Variants in UBASH3B observed in about 807,000 individuals in gnomAD.
UBASH3B encodes ubiquitin associated and SH3 domain containing B.
UBASH3B carries 37 observed loss-of-function variants against 83.4 expected under a neutral mutation model. The ratio of observed to expected loss-of-function variants is 0.44; its 90% CI spans 0.34 to 0.58. UBASH3B has a LOEUF of 0.58. UBASH3B is among the 20% of genes least tolerant of loss of function. The probability of loss-of-function intolerance (pLI) is 0.01; values close to 1 mark genes in which losing one functional copy is unlikely to be tolerated. For synonymous variants in UBASH3B, 304 were observed against 318.3 expected, an observed-to-expected ratio of 0.96 and a Z score of 0.48; for missense variants, 657 against 827.2, an observed-to-expected ratio of 0.79 and a Z score of 2.52.
At chr11:122,790,583 CA>C (rs2135163719) in intron 6 of UBASH3B, among the ~76,000 whole-genome samples, 1 of 152,312 alleles carries the variant, frequency 6.6e-6, no homozygotes, top group Admixed American at 6.5e-5. Flanking sequence ...TGACAAAGCA[CA>C]GTTCTCAGAT....
intron 1 of UBASH3B, among the ~76,000 whole-genome samples, chr11:122,733,754 C>T (rs959233105): frequency 6.6e-6 from 1 of 152,188 alleles, no homozygotes; most frequent in Admixed American, 6.5e-5. Flanking sequence ...TGCATGAACT[C>T]AGAAGAAGTA....
intron 1 of UBASH3B, among the ~76,000 whole-genome samples, chr11:122,688,592 G>A (rs935265081): frequency 5.2e-4 from 77 of 147,510 alleles, no homozygotes; most frequent in Middle Eastern, 3.6e-3. Flanking sequence ...GACTACAGAC[G>A]CCCGCCACCA....
chr11:122,715,611 C>T (rs1434639105), intron 1 of UBASH3B, among the ~76,000 whole-genome samples: 5 of 152,198 alleles, frequency 3.3e-5, no homozygotes, highest in Non-Finnish European at 7.3e-5. Flanking sequence ...GACGGCTCCT[C>T]TCCTCTTTCT....
intron 6 of UBASH3B, among the ~76,000 whole-genome samples, chr11:122,793,991 C>T (rs1225366471): frequency 6.6e-6 from 1 of 152,040 alleles, no homozygotes; most frequent in Non-Finnish European, 1.5e-5. Context: ...GAAATTACCA[C>T]GGGAAATATT....
chr11:122,693,120 A>C (rs1459477879), intron 1 of UBASH3B, among the ~76,000 whole-genome samples: 1 of 152,188 alleles, frequency 6.6e-6, no homozygotes, highest in East Asian at 1.9e-4. Context: ...GGAGAATGAC[A>C]AAGAACCTTC....
At chr11:122,738,981 G>A (rs961937616) in intron 1 of UBASH3B, among the ~76,000 whole-genome samples, 3 of 152,112 alleles carry the variant, frequency 2.0e-5, no homozygotes, top group Non-Finnish European at 4.4e-5. Context: ...GTACAGGAGT[G>A]GAAGGGTTTG....
chr11:122,657,118 A>C (rs1863374964), intron 1 of UBASH3B, among the ~76,000 whole-genome samples: 1 of 152,190 alleles, frequency 6.6e-6, no homozygotes, highest in African/African-American at 2.4e-5. Context: ...CCTGCCGTGC[A>C]GATTTCTTAG....
Position 122,801,400 on chromosome 11 carries a change from G to A in UBASH3B, c.1595+68G>A, listed in dbSNP as rs1861257136. ...TGCTTTCTGCACTAGCACTAGGCCA[G>A]GTTCAGGAAGGAGCCAGGGCTGGAC... is the stretch of plus-strand genomic sequence containing the variant. On this transcript the variant is annotated intron_variant, in intron 11 of 13. Coordinates refer to ENST00000284273, the MANE Select transcript of UBASH3B (RefSeq NM_032873.5). 7.0e-6 allele frequency: 11 copies of A among 1,568,322 alleles called. No homozygotes were observed. In the East Asian group the frequency reaches 2.5e-4, roughly 35 times the overall value.
At chr11:122,747,852 A>G (rs537897483) in intron 1 of UBASH3B, among the ~76,000 whole-genome samples, 30 of 152,332 alleles carry the variant, frequency 2.0e-4, no homozygotes, top group African/African-American at 7.0e-4. Flanking sequence ...TAAGATCCAT[A>G]TATTCCCTTG....
At chr11:122,751,449 G>T (rs991531383) in intron 1 of UBASH3B, among the ~76,000 whole-genome samples, 36 of 152,352 alleles carry the variant, frequency 2.4e-4, no homozygotes, top group African/African-American at 7.2e-4. Flanking sequence ...ATTGGATGTG[G>T]CTTGTCAGGG....
At chr11:122,722,896 G>A (rs1390581833) in intron 1 of UBASH3B, among the ~76,000 whole-genome samples, 1 of 151,990 alleles carries the variant, frequency 6.6e-6, no homozygotes. Flanking sequence ...TAGTAGAGGC[G>A]GGGTTTCACC....
At chr11:122,779,373 T>G in intron 3 of UBASH3B, 124 bp from the exon 4 acceptor site, 1 of 958,868 alleles carries the variant, frequency 1.0e-6, no homozygotes, top group Non-Finnish European at 1.6e-6. Context: ...CAGACAGGGG[T>G]AGTGGTTAAG....
chr11:122,783,787 G>A (rs1860898733), intron 5 of UBASH3B, among the ~76,000 whole-genome samples: 1 of 152,296 alleles, frequency 6.6e-6, no homozygotes, highest in Admixed American at 6.5e-5. Context: ...GTCACCTCTT[G>A]TGAGAGTTTC....
At position 122,719,121 on chromosome 11, in the gene UBASH3B, G is replaced by T. The variant is rs191436506; in HGVS notation, c.162-57098G>T. Among the ~76,000 whole-genome samples the T allele has an allele frequency of 6.6e-5, 10 of 152,342 alleles. No individual in the cohort carries two copies. The East Asian group carries it at 1.9e-3, about 29-fold the overall frequency. ...CTAAGCATGATTACGTTAGATTGGT[G>T]ATGGGTATTCTTACACTGCCAATTT... On this transcript the variant is annotated intron_variant, in intron 1 of 13. Coordinates refer to ENST00000284273, the MANE Select transcript of UBASH3B (RefSeq NM_032873.5).
intron 1 of UBASH3B, among the ~76,000 whole-genome samples, chr11:122,671,912 T>A: frequency 6.6e-6 from 1 of 152,104 alleles, no homozygotes. Flanking sequence ...TTTGGTTTGT[T>A]TTTTGTTGTT....
intron 1 of UBASH3B, among the ~76,000 whole-genome samples, chr11:122,741,502 T>A (rs996287624): frequency 3.0e-4 from 46 of 152,316 alleles, no homozygotes; most frequent in African/African-American, 1.0e-3. Context: ...CTTTAAGATC[T>A]AAGTCAGTTC....
intron 2 of UBASH3B, 73 bp from the exon 3 acceptor site, chr11:122,776,951 T>C: frequency 7.2e-7 from 1 of 1,395,512 alleles, no homozygotes; most frequent in Non-Finnish European, 9.7e-7. Context: ...GGAGGGTGGA[T>C]CTGTCTCTCA....
At chr11:122,729,728 G>T (rs1473070469) in intron 1 of UBASH3B, among the ~76,000 whole-genome samples, 1 of 146,820 alleles carries the variant, frequency 6.8e-6, no homozygotes, top group Non-Finnish European at 1.5e-5. Flanking sequence ...GGGAGGCCCA[G>T]GTGGGAGGAT....
At chr11:122,700,026 T>C (rs1226930164) in intron 1 of UBASH3B, among the ~76,000 whole-genome samples, 1 of 152,220 alleles carries the variant, frequency 6.6e-6, no homozygotes, top group Non-Finnish European at 1.5e-5. Flanking sequence ...GGTGGTGCTT[T>C]ATTCACTTGG....
Sources: allele counts gnomAD v4.1 joint callset (sites outside exome capture counted in the v4.1 genomes callset), GRCh38; gene constraint gnomAD v4.1.1; transcripts MANE v1.5; gene names NCBI Gene and HGNC (gene_info 2026-07-23, HGNC 2026-07-21).